Variants in RBFOX1 observed in about 807,000 individuals in gnomAD.
RBFOX1 encodes RNA binding fox-1 homolog 1.
Under a neutral mutation model 57.7 loss-of-function variants are expected in RBFOX1, and 8 were observed. That is an observed-to-expected ratio of 0.14 (90% CI 0.08 to 0.25). RBFOX1 has a LOEUF of 0.25. Among genes scored for constraint, RBFOX1 ranks in the 10% least tolerant of loss-of-function variants. RBFOX1 has a pLI of 1.00. For synonymous variants in RBFOX1, 326 were observed against 222.4 expected, an observed-to-expected ratio of 1.47 and a Z score of -4.15; for missense variants, 611 against 548.5, an observed-to-expected ratio of 1.11 and a Z score of -1.14.
At position 7,135,138 on chromosome 16, in the gene RBFOX1, G is replaced by T. The variant is rs77937964; in HGVS notation, c.27+83040G>T. 4.8e-3 allele frequency among the ~76,000 whole-genome samples: 738 copies of T among 152,202 alleles called. 24 individuals are homozygous for T. The highest frequency in any genetic ancestry group is 0.033 in the Admixed American group (502 of 15,270). On this transcript the variant is annotated intron_variant, in intron 4 of 15. Transcript: ENST00000550418. Reference sequence around the variant, plus strand: ...ATGTCTGTTCTGTATGTTAGAAAAGGAATTTCTGAGTTCGTGTTTATTTCC... The same window carrying T: ...ATGTCTGTTCTGTATGTTAGAAAAGTAATTTCTGAGTTCGTGTTTATTTCC...
At chr16:5,870,518 A>G (rs2057444765) in intron 4 of RBFOX1, among the ~76,000 whole-genome samples, 1 of 152,026 alleles carries the variant, frequency 6.6e-6, no homozygotes, top group Non-Finnish European at 1.5e-5. Flanking sequence ...AAGTGTAGGA[A>G]TGCTTAATGT....
chr16:6,848,513 G>T (rs7201150), intron 3 of RBFOX1, among the ~76,000 whole-genome samples: 33 of 151,594 alleles, frequency 2.2e-4, no homozygotes, highest in Non-Finnish European at 4.7e-4. Context: ...CGACATTATT[G>T]GTCAAATCTA....
At chr16:6,098,290 G>C (rs1017400993) in intron 1 of RBFOX1, among the ~76,000 whole-genome samples, 13 of 152,206 alleles carry the variant, frequency 8.5e-5, no homozygotes, top group African/African-American at 2.9e-4. Flanking sequence ...CACCTGGCAA[G>C]TCCCTTGCAT....
At chr16:5,624,855 A>C (rs1307787852) in intron 3 of RBFOX1, among the ~76,000 whole-genome samples, 2 of 152,152 alleles carry the variant, frequency 1.3e-5, no homozygotes, top group Non-Finnish European at 1.5e-5. Flanking sequence ...CTGCTTGCTG[A>C]ATGGCTCTGG....
At chr16:6,900,166 A>C (rs73529628) in intron 3 of RBFOX1, among the ~76,000 whole-genome samples, 8,231 of 152,128 alleles carry the variant, frequency 0.054, 792 homozygotes, top group African/African-American at 0.19. Flanking sequence ...GGTATTGTTC[A>C]TGTTCTTATG....
intron 4 of RBFOX1, among the ~76,000 whole-genome samples, chr16:7,073,453 C>A (rs2057732983): frequency 6.6e-6 from 1 of 152,108 alleles, no homozygotes; most frequent in Non-Finnish European, 1.5e-5. Flanking sequence ...ACTCAACCAC[C>A]ATTTAAAGAA....
intron 3 of RBFOX1, among the ~76,000 whole-genome samples, chr16:6,854,641 C>T (rs1030186745): frequency 1.6e-5 from 2 of 123,384 alleles, no homozygotes; most frequent in African/African-American, 3.1e-5. Flanking sequence ...TTTGCCCAGG[C>T]TGGAGTGCAG....
intron 3 of RBFOX1, among the ~76,000 whole-genome samples, chr16:5,783,698 T>C (rs1364424660): frequency 2.0e-5 from 3 of 152,326 alleles, no homozygotes; most frequent in Non-Finnish European, 4.4e-5. Flanking sequence ...ACTTTAATGA[T>C]TGTTTAATGG....
chr16:6,860,626 A>G (rs117893378), intron 3 of RBFOX1, among the ~76,000 whole-genome samples: 1,787 of 152,338 alleles, frequency 0.012, 20 homozygotes, highest in Non-Finnish European at 0.019. Context: ...TAGGAAGACA[A>G]CAATCAACCA....
At chr16:6,233,005 C>T (rs544851593) in intron 1 of RBFOX1, among the ~76,000 whole-genome samples, 38 of 152,260 alleles carry the variant, frequency 2.5e-4, no homozygotes, top group African/African-American at 8.9e-4. Context: ...GAGCGCCATT[C>T]CCATTGAATT....
intron 2 of RBFOX1, among the ~76,000 whole-genome samples, chr16:6,406,453 A>G (rs2093283368): frequency 1.3e-5 from 2 of 152,226 alleles, no homozygotes; most frequent in African/African-American, 4.8e-5. Flanking sequence ...GTTCTTTGCT[A>G]TTAAAAATAG....
chr16:7,030,000 C>T (rs746516427), intron 3 of RBFOX1, among the ~76,000 whole-genome samples: 19 of 152,072 alleles, frequency 1.2e-4, no homozygotes, highest in Non-Finnish European at 1.9e-4. Context: ...TTTTCGGTCA[C>T]GTGTGTGTGA....
chr16:6,960,992 AAAT>A (rs59232722), intron 3 of RBFOX1, among the ~76,000 whole-genome samples: 43,755 of 128,778 alleles, frequency 0.34, 7,152 homozygotes, highest in Middle Eastern at 0.42. Flanking sequence ...AAAAAAAAAA[AAAT>A]TAGCTGGGCA....
intron 4 of RBFOX1, among the ~76,000 whole-genome samples, chr16:7,507,085 T>C (rs978749624): frequency 1.3e-5 from 2 of 152,164 alleles, no homozygotes; most frequent in Non-Finnish European, 2.9e-5. Context: ...CACATAAAGG[T>C]TGAATGACTT....
chr16:6,657,215 C>T (rs967799576), intron 3 of RBFOX1, among the ~76,000 whole-genome samples: 5 of 151,578 alleles, frequency 3.3e-5, no homozygotes, highest in Non-Finnish European at 7.4e-5. Flanking sequence ...TTCCTTCCTC[C>T]CTCCTTCCTT....
rs374065569 is a variant in RBFOX1, at chr16:5,507,769, G to C, written c.258+40515G>C. ...AAGGCCATGTGAAGACAGAGGCAGAGGTGGGAGAGGTGCAGCCACAAGCCA... is the reference window on the plus strand; with the variant it reads ...AAGGCCATGTGAAGACAGAGGCAGACGTGGGAGAGGTGCAGCCACAAGCCA... On this transcript the variant is annotated intron_variant, in intron 2 of 2. Coordinates refer to the RBFOX1 transcript ENST00000585867. Among the ~76,000 whole-genome samples, 10 of 152,318 alleles carry C rather than the reference G, an allele frequency of 6.6e-5. No homozygotes were observed. In the East Asian group the frequency reaches 9.7e-4, roughly 15 times the overall value.
At chr16:6,209,986 A>G (rs924815042) in intron 1 of RBFOX1, among the ~76,000 whole-genome samples, 1 of 152,014 alleles carries the variant, frequency 6.6e-6, no homozygotes, top group Non-Finnish European at 1.5e-5. Context: ...AAAAGATTTT[A>G]TATTTCTTCT....
rs1596336280 is a variant in RBFOX1 at position 6,891,170 on chromosome 16, C to A, written c.-15-160887C>A. On this transcript the variant is annotated intron_variant, in intron 3 of 15. Coordinates refer to ENST00000550418, the MANE Select transcript of RBFOX1 (RefSeq NM_018723.4). ...ATGTCTTCCATTACAGGTGCCAATG[C>A]ATCCATTTTTATTATCAGTAGTGGC... Among the ~76,000 whole-genome samples, 3 of 152,298 alleles carry A rather than the reference C, an allele frequency of 2.0e-5. No homozygotes were observed. In the South Asian group the frequency reaches 6.2e-4, roughly 32 times the overall value.
chr16:7,625,498 G>A (rs1414825171), intron 10 of RBFOX1, among the ~76,000 whole-genome samples: 1 of 152,040 alleles, frequency 6.6e-6, no homozygotes, highest in Non-Finnish European at 1.5e-5. Context: ...CTGCATGGGG[G>A]CCCCAGAATA....
Sources: gnomAD v4.1 joint callset for allele counts (sites outside exome capture counted in the v4.1 genomes callset) on GRCh38, gnomAD v4.1.1 for gene constraint, MANE v1.5 for transcripts, NCBI Gene and HGNC (gene_info 2026-07-23, HGNC 2026-07-21) for gene names.